ATXN7: variants seen among roughly 807,000 people sequenced by gnomAD.
The protein encoded by ATXN7 is ataxin 7.
Under a neutral mutation model 70.5 loss-of-function variants are expected in ATXN7, and 12 were observed. That is an observed-to-expected ratio of 0.17 (90% CI 0.11 to 0.28). ATXN7 has a LOEUF of 0.28. ATXN7 is among the 10% of genes least tolerant of loss of function. The probability of loss-of-function intolerance (pLI) is 1.00; values close to 1 mark genes in which losing one functional copy is unlikely to be tolerated. For synonymous variants in ATXN7, 498 were observed against 448.7 expected, an observed-to-expected ratio of 1.11 and a Z score of -1.39; for missense variants, 1,256 against 1,131.7, an observed-to-expected ratio of 1.11 and a Z score of -1.58.
rs75594043 is a variant in ATXN7, at chr3:63,998,344, A to G, written c.2662-1106A>G. 467 of 985,038 alleles carry G rather than the reference A, an allele frequency of 4.7e-4. 5 individuals carry two copies. The African/African-American group carries it at 7.6e-3, about 16-fold the overall frequency. 61.0% of individuals were successfully genotyped at this position (985,038 alleles called of 1,614,324 possible). A position where few individuals can be genotyped will look rare whatever the true frequency, so the allele number is the denominator to read the frequency against. On this transcript the variant is annotated intron_variant, in intron 12 of 12. Coordinates refer to ENST00000674280, the MANE Select transcript of ATXN7 (RefSeq NM_001377405.1). The stretch of plus-strand genomic sequence containing the variant: ...GACTTGCATGTGAAATTTAGTTGAG[A>G]TATATGTGTGTGTGTATATATATAT...
intron 4 of ATXN7, among the ~76,000 whole-genome samples, chr3:63,947,638 C>T (rs533276869): frequency 9.9e-5 from 15 of 152,206 alleles, no homozygotes; most frequent in South Asian, 8.3e-4. Flanking sequence ...CCCAAGGTCA[C>T]GTTTCTTTTG....
At chr3:63,984,974 A>G (rs1051606114) in intron 8 of ATXN7, among the ~76,000 whole-genome samples, 2 of 152,164 alleles carry the variant, frequency 1.3e-5, no homozygotes, top group Non-Finnish European at 2.9e-5. Context: ...CTTCTTTTTA[A>G]GGGCTGAATA....
At chr3:63,907,456 C>CTTTTTTTTTTT (rs946462374) in intron 2 of ATXN7, among the ~76,000 whole-genome samples, 3 of 116,638 alleles carry the variant, frequency 2.6e-5, no homozygotes, top group Non-Finnish European at 5.3e-5. Flanking sequence ...CATTCCTTGT[C>CTTTTTTTTTTT]TTTTTTTTTT....
At chr3:63,873,365 G>A (rs1451613548) in intron 1 of ATXN7, among the ~76,000 whole-genome samples, 1 of 152,170 alleles carries the variant, frequency 6.6e-6, no homozygotes, top group African/African-American at 2.4e-5. Context: ...CAGGGATCCA[G>A]GTAGCAGGAC....
intron 4 of ATXN7, among the ~76,000 whole-genome samples, chr3:63,949,021 T>G (rs1443593398): frequency 6.6e-6 from 1 of 152,226 alleles, no homozygotes; most frequent in Non-Finnish European, 1.5e-5. Context: ...TTTTATTAAT[T>G]TTATATTTTT....
intron 4 of ATXN7, among the ~76,000 whole-genome samples, chr3:63,920,221 A>G (rs1292245876): frequency 6.6e-6 from 1 of 152,142 alleles, no homozygotes; most frequent in African/African-American, 2.4e-5. Context: ...CCATGTGCAC[A>G]GTAGGATGGG....
At chr3:63,932,894 A>G (rs1201356554) in intron 4 of ATXN7, among the ~76,000 whole-genome samples, 2 of 152,188 alleles carry the variant, frequency 1.3e-5, no homozygotes, top group African/African-American at 4.8e-5. Context: ...AGATCTGTCT[A>G]ATTTTATTCA....
intron 4 of ATXN7, among the ~76,000 whole-genome samples, chr3:63,921,953 C>T (rs965857216): frequency 1.3e-5 from 2 of 152,186 alleles, no homozygotes; most frequent in Non-Finnish European, 2.9e-5. Context: ...TGCTTTAGCA[C>T]ACAAGGTGTA....
At chr3:63,990,668 G>A in intron 10 of ATXN7, 70 bp from the exon 11 acceptor site, 1 of 1,609,890 alleles carries the variant, frequency 6.2e-7, no homozygotes, top group Non-Finnish European at 8.5e-7. Flanking sequence ...CTTTCCTGAA[G>A]GATCTAGAAC....
intron 5 of ATXN7, among the ~76,000 whole-genome samples, chr3:63,958,403 A>AT: frequency 6.6e-6 from 1 of 152,264 alleles, no homozygotes; most frequent in South Asian, 2.1e-4. Flanking sequence ...AGAAAAATGA[A>AT]TTTTTTCTCT....
chr3:63,980,016 A>G lies in ATXN7; in HGVS notation c.601A>G (p.Ser201Gly), dbSNP rs2075458826. Residue 201 changes from serine (S) to glycine (G), a missense_variant, in exon 6 of 13, where the codon AGT becomes GGT. Ser to Gly is a moderately conservative substitution (Grantham distance 56). Coordinates refer to ENST00000674280, the MANE Select transcript of ATXN7 (RefSeq NM_001377405.1). ...GTCCAAAAGCAAAGGAGGCAGTGCA[A>G]GTGGAAGCAACCGTTCTTCCAGTGG... is the stretch of plus-strand genomic sequence containing the variant. ...SLSKSKGGSA[S>G]GSNRSSSGGV... 6.2e-7 allele frequency: 1 copy of G among 1,614,160 alleles called. No homozygotes were observed. Among genetic ancestry groups the G allele is most frequent in the Middle Eastern group, 1.6e-4 (1 of 6,062 alleles).
chr3:63,863,854 A>AGGT (rs1445780080), upstream of ATXN7: 2 of 1,207,188 alleles, frequency 1.7e-6, no homozygotes, highest in Non-Finnish European at 2.0e-6. Flanking sequence ...GCGGCGGCGG[A>AGGT]GGTCAAACTC....
chr3:63,991,025 C>A, intron 11 of ATXN7, 166 bp downstream of exon 11: 1 of 932,650 alleles, frequency 1.1e-6, no homozygotes. Flanking sequence ...TACCCCTTTA[C>A]CCCACAACTA....
chr3:63,939,001 AT>A lies in ATXN7; in HGVS notation c.395-13367del, dbSNP rs199874849. 4.5e-3 allele frequency among the ~76,000 whole-genome samples: 661 copies of A among 148,024 alleles called. 3 individuals are homozygous for A. Among genetic ancestry groups the A allele is most frequent in the African/African-American group, 0.015 (608 of 40,456 alleles). On this transcript the variant is annotated intron_variant, in intron 4 of 12. Transcript: ENST00000674280. ...TGCCTTGCCTTTTAAAATTTTTTTA[AT>A]TTTTTTTTTTGCATATGGAAGAAAT...
chr3:63,912,626 A>AG lies in ATXN7; in HGVS notation c.34dup (p.Glu12GlyfsTer77). ...GTCGGAGCGGGCCGCGGATGACGTC[A>AG]GGGGGGAGCCGCGCCGCGCGGCGGC... On this transcript the variant is annotated frameshift_variant, in exon 3 of 13. Coordinates refer to ENST00000674280, the MANE Select transcript of ATXN7 (RefSeq NM_001377405.1). LOFTEE classifies it high-confidence loss of function. 1.9e-6 allele frequency: 2 copies of AG among 1,051,414 alleles called. No individual in the cohort carries two copies. The highest frequency in any genetic ancestry group is 1.2e-6 in the Non-Finnish European group (1 of 864,042). 65.1% of individuals were successfully genotyped at this position (1,051,414 alleles called of 1,614,324 possible).
chr3:63,919,321 A>G (rs1406269183), intron 4 of ATXN7, among the ~76,000 whole-genome samples: 2 of 152,128 alleles, frequency 1.3e-5, no homozygotes, highest in South Asian at 2.1e-4. Flanking sequence ...AACACTTACT[A>G]TTGGTTCTTT....
intron 1 of ATXN7, among the ~76,000 whole-genome samples, chr3:63,881,955 G>A (rs1429521869): frequency 1.3e-5 from 2 of 152,174 alleles, no homozygotes; most frequent in Non-Finnish European, 2.9e-5. Flanking sequence ...TTGGAAGCAG[G>A]AAGTCCCAAT....
chr3:63,865,621 G>T (rs905554511), intron 1 of ATXN7, among the ~76,000 whole-genome samples: 17 of 152,114 alleles, frequency 1.1e-4, no homozygotes, highest in African/African-American at 3.9e-4. Flanking sequence ...GCCGGGCGCG[G>T]TGGCTCACGC....
intron 5 of ATXN7, among the ~76,000 whole-genome samples, chr3:63,976,215 A>G (rs1191571540): frequency 6.6e-6 from 1 of 152,192 alleles, no homozygotes; most frequent in Non-Finnish European, 1.5e-5. Context: ...AAATCCTGTG[A>G]AAAATAAGAG....
Sources: allele counts gnomAD v4.1 joint callset (sites outside exome capture counted in the v4.1 genomes callset), GRCh38; gene constraint gnomAD v4.1.1; transcripts MANE v1.5; gene names NCBI Gene and HGNC (gene_info 2026-07-23, HGNC 2026-07-21).